The following KHDRBS2 variants were observed in gnomAD, a reference collection of about 807,000 sequenced individuals.
KHDRBS2 encodes KH domain-containing, RNA-binding, signal transduction-associated protein 2.
A neutral mutation model predicts 44.3 loss-of-function variants in KHDRBS2; 26 were observed. The ratio of observed to expected loss-of-function variants is 0.59; its 90% CI spans 0.43 to 0.81. The LOEUF is 0.81. Among genes scored for constraint, KHDRBS2 ranks in the 40% least tolerant of loss-of-function variants. The pLI is 0.00. For missense variants in KHDRBS2, 476 were observed against 433.1 expected, an observed-to-expected ratio of 1.10 and a Z score of -0.88; for synonymous variants, 194 against 151.1, an observed-to-expected ratio of 1.28 and a Z score of -2.08.
At chr6:62,032,246 G>C (rs963717923) in intron 3 of KHDRBS2, among the ~76,000 whole-genome samples, 1 of 152,058 alleles carries the variant, frequency 6.6e-6, no homozygotes, top group African/African-American at 2.4e-5. Context: ...TGAGTCAGTG[G>C]GGGGAAAGGC....
intron 8 of KHDRBS2, among the ~76,000 whole-genome samples, chr6:61,681,571 TATAGAG>T (rs1766309570): frequency 6.6e-6 from 1 of 151,770 alleles, no homozygotes; most frequent in Non-Finnish European, 1.5e-5. Flanking sequence ...TGTTAAATTG[TATAGAG>T]AAAGTGAGAG....
intron 1 of KHDRBS2, among the ~76,000 whole-genome samples, chr6:62,264,253 A>G (rs921399767): frequency 1.3e-5 from 2 of 151,828 alleles, no homozygotes; most frequent in African/African-American, 4.8e-5. Context: ...TATGTTCCTT[A>G]ACGCTAGTTT....
chr6:61,865,665 T>C (rs985012829), intron 6 of KHDRBS2, among the ~76,000 whole-genome samples: 6 of 152,052 alleles, frequency 3.9e-5, no homozygotes, highest in Admixed American at 1.3e-4. Context: ...TCAAAACCAA[T>C]CCTGCTTTCC....
the KHDRBS2 span, among the ~76,000 whole-genome samples, chr6:61,581,587 A>G: frequency 2.0e-4 from 4 of 19,958 alleles, no homozygotes; most frequent in Non-Finnish European, 5.3e-4. Context: ...TACACAATAT[A>G]CAATATACAA....
In KHDRBS2 at chr6:61,684,431, T is replaced by C. The variant is rs533248353; in HGVS notation, c.953-3371A>G. Among the ~76,000 whole-genome samples, 262 of 151,934 alleles carry C rather than the reference T, an allele frequency of 1.7e-3. 1 individual carries two copies. The highest frequency in any genetic ancestry group is 5.9e-3 in the African/African-American group (243 of 41,512). ...GGAGTTTCTCTGAAATTTGAAGTTGTAAAGACCCACGAATGAACTTAGAAT... is the reference window on the plus strand; with the variant it reads ...GGAGTTTCTCTGAAATTTGAAGTTGCAAAGACCCACGAATGAACTTAGAAT... On this transcript the variant is annotated intron_variant, in intron 8 of 8. Transcript: ENST00000281156.
At chr6:62,112,584 T>C (rs995155812) in intron 2 of KHDRBS2, among the ~76,000 whole-genome samples, 2 of 152,080 alleles carry the variant, frequency 1.3e-5, no homozygotes, top group African/African-American at 4.8e-5. Context: ...CAGAAAAAGG[T>C]AATAAAGTCA....
chr6:61,941,114 C>T (rs1383375288), intron 4 of KHDRBS2, among the ~76,000 whole-genome samples: 1 of 152,168 alleles, frequency 6.6e-6, no homozygotes, highest in Non-Finnish European at 1.5e-5. Flanking sequence ...TGCCATAGCC[C>T]TGTGCCAGGG....
intron 6 of KHDRBS2, among the ~76,000 whole-genome samples, chr6:61,862,866 A>T (rs190770881): frequency 4.2e-4 from 64 of 152,028 alleles, no homozygotes; most frequent in Admixed American, 2.3e-3. Context: ...CTCTTCTTCA[A>T]TTTTTTTGGA....
At chr6:61,578,607 T>C in the KHDRBS2 span, among the ~76,000 whole-genome samples, 11 of 152,256 alleles carry the variant, frequency 7.2e-5, no homozygotes, top group African/African-American at 1.2e-4. Context: ...AAAAACCAAA[T>C]TGGATTCATC....
At position 61,763,321 on chromosome 6, in the gene KHDRBS2, C is replaced by T. The variant is rs768823681; in HGVS notation, c.811-30557G>A. On this transcript the variant is annotated intron_variant, in intron 6 of 8. Coordinates refer to ENST00000281156, the MANE Select transcript of KHDRBS2 (RefSeq NM_152688.4). ...ATAATTGGATAAACAAATGTTTATA[C>T]ATTAGGATTCTGATTCCCAATGCTG... 3.7e-4 allele frequency among the ~76,000 whole-genome samples: 56 copies of T among 152,118 alleles called. 1 individual carries two copies. Among genetic ancestry groups the T allele is most frequent in the Non-Finnish European group, 6.6e-4 (45 of 68,026 alleles).
chr6:62,086,295 G>A (rs1164036084), intron 2 of KHDRBS2, among the ~76,000 whole-genome samples: 1 of 152,132 alleles, frequency 6.6e-6, no homozygotes, highest in African/African-American at 2.4e-5. Context: ...ATTAATCCCA[G>A]GATTCTGTCT....
At chr6:61,610,043 G>T in the KHDRBS2 span, among the ~76,000 whole-genome samples, 1 of 152,108 alleles carries the variant, frequency 6.6e-6, no homozygotes, top group African/African-American at 2.4e-5. Context: ...GGGCGTGGTG[G>T]TTGGTGCCTG....
chr6:62,066,105 T>G (rs887273784), intron 2 of KHDRBS2, among the ~76,000 whole-genome samples: 5 of 151,388 alleles, frequency 3.3e-5, no homozygotes, highest in African/African-American at 4.8e-5. Context: ...CAAGCTCAAG[T>G]TTTTACTCAA....
chr6:61,783,383 ATTGTCATGATCTAT>A (rs1783313139), intron 6 of KHDRBS2, among the ~76,000 whole-genome samples: 1 of 151,992 alleles, frequency 6.6e-6, no homozygotes, highest in Non-Finnish European at 1.5e-5. Flanking sequence ...TCCATGTTGC[ATTGTCATGATCTAT>A]TTGTCAGTCT....
the KHDRBS2 span, among the ~76,000 whole-genome samples, chr6:61,671,459 A>G: frequency 2.6e-5 from 4 of 151,666 alleles, no homozygotes; most frequent in Non-Finnish European, 5.9e-5. Context: ...TGTTTTCTCA[A>G]TTCCTCTCAT....
chr6:61,627,218 A>C, the KHDRBS2 span, among the ~76,000 whole-genome samples: 1 of 128,518 alleles, frequency 7.8e-6, no homozygotes, highest in Non-Finnish European at 1.6e-5. Context: ...GCGCCACTGC[A>C]CTCCAGCCTG....
chr6:62,047,394 A>C (rs1787952205), intron 3 of KHDRBS2, among the ~76,000 whole-genome samples: 1 of 151,962 alleles, frequency 6.6e-6, no homozygotes, highest in African/African-American at 2.4e-5. Flanking sequence ...TCATTGAAGC[A>C]TTTCAAGAAA....
intron 1 of KHDRBS2, among the ~76,000 whole-genome samples, chr6:62,270,322 C>T (rs1839887115): frequency 7.1e-6 from 1 of 139,884 alleles, no homozygotes; most frequent in Admixed American, 7.2e-5. Context: ...CTCTCTCTCC[C>T]CCACCCACCC....
intron 4 of KHDRBS2, among the ~76,000 whole-genome samples, chr6:61,977,430 G>C (rs1018720354): frequency 6.6e-6 from 1 of 152,066 alleles, no homozygotes; most frequent in Non-Finnish European, 1.5e-5. Context: ...AATTCTACCA[G>C]TATGCAACCC....
Sources: gnomAD v4.1 joint callset for allele counts (sites outside exome capture counted in the v4.1 genomes callset) on GRCh38, gnomAD v4.1.1 for gene constraint, MANE v1.5 for transcripts, NCBI Gene and HGNC (gene_info 2026-07-23, HGNC 2026-07-21) for gene names.